CAP2: variants seen among roughly 807,000 people sequenced by gnomAD.
CAP2 encodes the protein adenylyl cyclase-associated protein 2.
Under a neutral mutation model 57.7 loss-of-function variants are expected in CAP2, and 24 were observed. That is an observed-to-expected ratio of 0.42 (90% CI 0.30 to 0.58). CAP2 has a LOEUF of 0.58. CAP2 is among the 20% of genes least tolerant of loss of function. The pLI is 0.22. For synonymous variants in CAP2, 194 were observed against 207.2 expected (o/e 0.94, Z 0.55); for missense variants, 501 against 590.3 (o/e 0.85, Z 1.57).
intron 1 of CAP2, among the ~76,000 whole-genome samples, chr6:17,402,918 A>T (rs1037172171): frequency 2.4e-4 from 36 of 152,190 alleles, no homozygotes; most frequent in African/African-American, 8.4e-4. Flanking sequence ...TTGACAATTA[A>T]AATAAGTTTT....
intron 1 of CAP2, among the ~76,000 whole-genome samples, chr6:17,401,717 AT>A (rs34073679): frequency 5.3e-5 from 8 of 151,944 alleles, no homozygotes; most frequent in African/African-American, 1.7e-4. Flanking sequence ...TATTTAGGCA[AT>A]TTTTTTTAAG....
At chr6:17,425,042 T>G (rs1357473792) in intron 2 of CAP2, among the ~76,000 whole-genome samples, 5 of 152,222 alleles carry the variant, frequency 3.3e-5, no homozygotes, top group African/African-American at 9.6e-5. Context: ...TTCAACATCC[T>G]GCTCGGAAGT....
chr6:17,505,394 G>A (rs1339336502), intron 4 of CAP2, among the ~76,000 whole-genome samples: 2 of 152,216 alleles, frequency 1.3e-5, no homozygotes, highest in Admixed American at 6.5e-5. Context: ...CCTCTGGGGT[G>A]TGAAGCCACC....
intron 2 of CAP2, among the ~76,000 whole-genome samples, chr6:17,425,832 C>T (rs148136910): frequency 2.3e-4 from 35 of 152,266 alleles, no homozygotes; most frequent in African/African-American, 7.9e-4. Context: ...TGGTGGCTCA[C>T]GCCTGTAATC....
intron 1 of CAP2, among the ~76,000 whole-genome samples, chr6:17,418,694 G>A (rs935105331): frequency 6.6e-6 from 1 of 152,060 alleles, no homozygotes; most frequent in Non-Finnish European, 1.5e-5. Flanking sequence ...CGCAGGCTAG[G>A]TCTATGGTGG....
At chr6:17,400,870 A>G (rs988451569) in intron 1 of CAP2, among the ~76,000 whole-genome samples, 1 of 152,090 alleles carries the variant, frequency 6.6e-6, no homozygotes, top group African/African-American at 2.4e-5. Context: ...GTCTCAAAAA[A>G]AAAAAAAAAA....
At chr6:17,467,593 G>C (rs1414068826) in intron 4 of CAP2, among the ~76,000 whole-genome samples, 1 of 152,068 alleles carries the variant, frequency 6.6e-6, no homozygotes, top group Non-Finnish European at 1.5e-5. Context: ...GCGCTACCTT[G>C]GCTCACGGCA....
intron 12 of CAP2, among the ~76,000 whole-genome samples, chr6:17,555,946 G>A (rs528932111): frequency 5.9e-5 from 9 of 152,114 alleles, no homozygotes; most frequent in East Asian, 1.9e-4. Context: ...AAGATAGAGC[G>A]CAGATTTGAA....
At chr6:17,482,891 C>T (rs1451908823) in intron 4 of CAP2, among the ~76,000 whole-genome samples, 2 of 152,230 alleles carry the variant, frequency 1.3e-5, no homozygotes, top group African/African-American at 4.8e-5. Flanking sequence ...GGACACCACT[C>T]AGCCCGTAAC....
intron 1 of CAP2, among the ~76,000 whole-genome samples, chr6:17,406,928 G>A (rs979545605): frequency 2.6e-5 from 4 of 151,954 alleles, no homozygotes; most frequent in Admixed American, 6.6e-5. Context: ...ATTTAAGGTC[G>A]ACCCTGAAGA....
chr6:17,415,671 T>C (rs1759255163), intron 1 of CAP2, among the ~76,000 whole-genome samples: 2 of 152,152 alleles, frequency 1.3e-5, no homozygotes, highest in Non-Finnish European at 1.5e-5. Flanking sequence ...CCTCAGCCCC[T>C]GAAAAGCTTG....
intron 3 of CAP2, among the ~76,000 whole-genome samples, chr6:17,446,413 T>C (rs1253414996): frequency 6.6e-6 from 1 of 152,242 alleles, no homozygotes; most frequent in Admixed American, 6.5e-5. Context: ...TATATAGTTA[T>C]GCTGCTTTGG....
At chr6:17,396,509 A>G (rs1450708535) in intron 1 of CAP2, among the ~76,000 whole-genome samples, 1 of 152,216 alleles carries the variant, frequency 6.6e-6, no homozygotes, top group African/African-American at 2.4e-5. Context: ...ACATCGATGA[A>G]TCTTGAAAAC....
At chr6:17,543,506 A>G (rs1487584848) in intron 11 of CAP2, among the ~76,000 whole-genome samples, 2 of 151,936 alleles carry the variant, frequency 1.3e-5, no homozygotes, top group East Asian at 1.9e-4. Flanking sequence ...CTGTAGTCCC[A>G]GCTACTCTGG....
intron 4 of CAP2, among the ~76,000 whole-genome samples, chr6:17,477,270 G>A (rs572731840): frequency 1.7e-4 from 26 of 152,360 alleles, no homozygotes; most frequent in Non-Finnish European, 1.8e-4. Context: ...TGAAAAGAGT[G>A]TAACTGTGAG....
intron 12 of CAP2, among the ~76,000 whole-genome samples, chr6:17,555,863 G>A (rs917781791): frequency 1.3e-5 from 2 of 152,014 alleles, no homozygotes; most frequent in African/African-American, 2.4e-5. Context: ...CACTGCACCC[G>A]GCCAGAATCT....
chr6:17,523,048 A>G (rs757691936), intron 7 of CAP2, among the ~76,000 whole-genome samples: 12 of 152,200 alleles, frequency 7.9e-5, no homozygotes, highest in Non-Finnish European at 1.5e-4. Flanking sequence ...TGGGTTCTTA[A>G]GCAGAAAGCA....
chr6:17,418,528 G>A (rs537808677), intron 1 of CAP2, among the ~76,000 whole-genome samples: 7 of 152,282 alleles, frequency 4.6e-5, no homozygotes, highest in African/African-American at 1.7e-4. Context: ...GTCTTGTCAG[G>A]GAGTCTGATT....
intron 6 of CAP2, among the ~76,000 whole-genome samples, chr6:17,512,033 TA>T (rs764283840): frequency 2.2e-3 from 316 of 143,562 alleles, no homozygotes; most frequent in Admixed American, 2.1e-3. Flanking sequence ...CTGCATTGGT[TA>T]AAAAAAAAAA....
Sources: gnomAD v4.1 joint callset for allele counts (sites outside exome capture counted in the v4.1 genomes callset) on GRCh38, gnomAD v4.1.1 for gene constraint, MANE v1.5 for transcripts, NCBI Gene and HGNC (gene_info 2026-07-23, HGNC 2026-07-21) for gene names.